Variants in FAT3 observed in about 807,000 individuals in gnomAD.
The protein encoded by FAT3 is FAT atypical cadherin 3, also known as protocadherin Fat 3.
A neutral mutation model predicts 310.2 loss-of-function variants in FAT3; 95 were observed. That is an observed-to-expected ratio of 0.31 (90% CI 0.26 to 0.36). The LOEUF (loss-of-function observed/expected upper bound fraction) is 0.36. FAT3 is among the 10% of genes least tolerant of loss of function. The probability of loss-of-function intolerance (pLI) is 1.00; values close to 1 mark genes in which losing one functional copy is unlikely to be tolerated. For synonymous variants in FAT3, 2,314 were observed against 2,192.9 expected (o/e 1.06, Z -1.54); for missense variants, 5,408 against 5,715.6 (o/e 0.95, Z 1.74).
At chr11:92,888,244 C>T (rs1455176931) in intron 25 of FAT3, among the ~76,000 whole-genome samples, 1 of 152,166 alleles carries the variant, frequency 6.6e-6, no homozygotes, top group East Asian at 1.9e-4. Context: ...TTTTTCTGAC[C>T]ATTATCGGAA....
intron 3 of FAT3, among the ~76,000 whole-genome samples, chr11:92,561,690 A>G (rs1042287371): frequency 2.0e-5 from 3 of 152,118 alleles, no homozygotes; most frequent in South Asian, 2.1e-4. Context: ...CAGTGGCACA[A>G]TCTTGGCTCA....
At chr11:92,477,564 A>G (rs1413307702) in intron 2 of FAT3, among the ~76,000 whole-genome samples, 1 of 152,098 alleles carries the variant, frequency 6.6e-6, no homozygotes, top group Non-Finnish European at 1.5e-5. Context: ...GCTCACTCAC[A>G]TTTTATGTCT....
chr11:92,315,303 A>G (rs916119842), intron 1 of FAT3, among the ~76,000 whole-genome samples: 1 of 148,694 alleles, frequency 6.7e-6, no homozygotes, highest in African/African-American at 2.5e-5. Context: ...ATTTGTTGAG[A>G]GACACTTGCA....
intron 1 of FAT3, among the ~76,000 whole-genome samples, chr11:92,235,640 T>A (rs1374314611): frequency 6.6e-6 from 1 of 152,222 alleles, no homozygotes; most frequent in African/African-American, 2.4e-5. Flanking sequence ...GACCAAATAT[T>A]GAAAAATATC....
intron 2 of FAT3, among the ~76,000 whole-genome samples, chr11:92,440,030 G>A (rs927629385): frequency 6.6e-6 from 1 of 152,158 alleles, no homozygotes; most frequent in Non-Finnish European, 1.5e-5. Flanking sequence ...GATTGGCTAA[G>A]GGTTACTGGT....
intron 4 of FAT3, among the ~76,000 whole-genome samples, chr11:92,733,240 G>A (rs146112729): frequency 3.7e-4 from 56 of 152,314 alleles, no homozygotes; most frequent in African/African-American, 1.3e-3. Context: ...TAATACATGA[G>A]TAAAACAAGT....
intron 2 of FAT3, among the ~76,000 whole-genome samples, chr11:92,384,389 A>T (rs950609793): frequency 6.6e-6 from 1 of 152,218 alleles, no homozygotes; most frequent in African/African-American, 2.4e-5. Context: ...TTTGAATGAC[A>T]AAATTATATT....
chr11:92,589,110 T>C (rs374456847), intron 3 of FAT3, among the ~76,000 whole-genome samples: 3 of 152,032 alleles, frequency 2.0e-5, no homozygotes, highest in East Asian at 1.9e-4. Context: ...GTCTCTGTAG[T>C]TGTAGTTGAT....
chr11:92,412,781 T>C (rs1950325624), intron 2 of FAT3, among the ~76,000 whole-genome samples: 1 of 79,336 alleles, frequency 1.3e-5, no homozygotes, highest in African/African-American at 3.3e-5. Flanking sequence ...AATGTAAGAC[T>C]TTATATTTTT....
At chr11:92,310,113 T>G in intron 1 of FAT3, among the ~76,000 whole-genome samples, 1 of 152,238 alleles carries the variant, frequency 6.6e-6, no homozygotes, top group African/African-American at 2.4e-5. Flanking sequence ...TTTCCTGGAC[T>G]AGTAAAGAAA....
chr11:92,557,198 G>T lies in FAT3; in HGVS notation c.3607+32250G>T, dbSNP rs375797422. On this transcript the variant is annotated intron_variant, in intron 3 of 27. Coordinates refer to ENST00000525166, the MANE Select transcript of FAT3 (RefSeq NM_001367949.2). ...TGGTTCGGATTTTATGGAGGATGTT[G>T]ACTCCATCTGACGTAAGTTTCCTGG... 2.0e-5 allele frequency among the ~76,000 whole-genome samples: 3 copies of T among 151,864 alleles called. No homozygotes were observed. In the East Asian group the frequency reaches 5.8e-4, roughly 30 times the overall value.
chr11:92,637,348 A>C (rs1941801291), intron 3 of FAT3, among the ~76,000 whole-genome samples: 1 of 152,120 alleles, frequency 6.6e-6, no homozygotes, highest in South Asian at 2.1e-4. Flanking sequence ...CTTAGAAGAG[A>C]GGATGGCTCA....
chr11:92,614,249 G>T (rs1017447821), intron 3 of FAT3, among the ~76,000 whole-genome samples: 1 of 152,004 alleles, frequency 6.6e-6, no homozygotes, highest in Non-Finnish European at 1.5e-5. Flanking sequence ...ATTTTCATTT[G>T]TCTTAGGAAT....
intron 4 of FAT3, among the ~76,000 whole-genome samples, chr11:92,744,892 A>G (rs1945613240): frequency 6.6e-6 from 1 of 152,242 alleles, no homozygotes; most frequent in Non-Finnish European, 1.5e-5. Context: ...AAATTCATAT[A>G]TTTAGGTAGG....
chr11:92,756,378 T>C (rs1442356243), intron 4 of FAT3, among the ~76,000 whole-genome samples: 4 of 152,212 alleles, frequency 2.6e-5, no homozygotes, highest in Non-Finnish European at 5.9e-5. Flanking sequence ...CTTATTGTGC[T>C]GAACCACAGG....
chr11:92,331,003 T>TGAGAGA lies in FAT3; in HGVS notation c.-17-21080_-17-21075dup, dbSNP rs67328951. ...GTGTGTGTGTGTGTGTGTGTGTGTG[T>TGAGAGA]GAGAGAGAGAGAGAGAGAAACATTT... On this transcript the variant is annotated intron_variant, in intron 1 of 27. Transcript: ENST00000525166. 3.7e-5 allele frequency among the ~76,000 whole-genome samples: 5 copies of TGAGAGA among 133,564 alleles called. No individual in the cohort carries two copies. The East Asian group carries it at 6.4e-4, about 17-fold the overall frequency. The allele number at this position is 133,564 out of a possible 152,430, so 87.6% of individuals were successfully genotyped here. A position where few individuals can be genotyped will look rare whatever the true frequency, so the allele number is the denominator to read the frequency against.
chr11:92,372,390 G>A (rs1370887105), intron 2 of FAT3, among the ~76,000 whole-genome samples: 3 of 149,092 alleles, frequency 2.0e-5, no homozygotes, highest in Non-Finnish European at 4.5e-5. Flanking sequence ...TGCACAAACT[G>A]GACCTGGAAA....
intron 2 of FAT3, among the ~76,000 whole-genome samples, chr11:92,512,937 A>AG (rs1463081987): frequency 1.1e-4 from 10 of 92,118 alleles, no homozygotes; most frequent in Non-Finnish European, 1.7e-4. Context: ...CCTGGCTAAC[A>AG]CGGTGAAACC....
chr11:92,496,809 A>G (rs1404751321), intron 2 of FAT3, among the ~76,000 whole-genome samples: 5 of 151,970 alleles, frequency 3.3e-5, no homozygotes, highest in Admixed American at 3.3e-4. Context: ...ATGAGAGTTG[A>G]GTTTTAAGAG....
Sources: allele counts gnomAD v4.1 joint callset (sites outside exome capture counted in the v4.1 genomes callset), GRCh38; gene constraint gnomAD v4.1.1; transcripts MANE v1.5; gene names NCBI Gene and HGNC (gene_info 2026-07-23, HGNC 2026-07-21).